MOBP: variants seen among roughly 807,000 people sequenced by gnomAD.
MOBP encodes myelin associated oligodendrocyte basic protein.
Under a neutral mutation model 15.0 loss-of-function variants are expected in MOBP, and 5 were observed. The observed-to-expected ratio is 0.33, with a 90% CI of 0.17 to 0.70. The LOEUF (loss-of-function observed/expected upper bound fraction) is 0.70, where lower values mean the gene tolerates loss of function less well. MOBP is among the 30% of genes least tolerant of loss of function. The pLI, the probability that MOBP is intolerant of heterozygous loss-of-function variation, is 0.67. For missense variants in MOBP, 188 were observed against 257.8 expected (o/e 0.73, Z 1.85); for synonymous variants, 88 against 99.0 (o/e 0.89, Z 0.66).
intron 1 of MOBP, among the ~76,000 whole-genome samples, chr3:39,474,723 T>C (rs913640060): frequency 1.3e-5 from 2 of 152,192 alleles, no homozygotes; most frequent in African/African-American, 2.4e-5. Context: ...TACATATCTG[T>C]GCTTTGCACA....
At chr3:39,519,959 G>GTTT (rs11303840), downstream of MOBP, among the ~76,000 whole-genome samples, 2 of 132,120 alleles carry the variant, frequency 1.5e-5, no homozygotes, top group Non-Finnish European at 3.3e-5. Context: ...CATGACATCT[G>GTTT]TTTTTTTTTT....
At chr3:39,517,369 GC>G (rs1243327854), downstream of MOBP, among the ~76,000 whole-genome samples, 1 of 152,134 alleles carries the variant, frequency 6.6e-6, no homozygotes, top group African/African-American at 2.4e-5. Context: ...CCATGATGCG[GC>G]AGCCTAGAAT....
intron 1 of MOBP, among the ~76,000 whole-genome samples, chr3:39,475,572 T>A (rs2042534648): frequency 6.6e-6 from 1 of 152,216 alleles, no homozygotes; most frequent in Non-Finnish European, 1.5e-5. Flanking sequence ...AGGAAGATTA[T>A]CTCTTCTACT....
chr3:39,494,302 A>G (rs2042841840), intron 2 of MOBP, among the ~76,000 whole-genome samples: 1 of 152,172 alleles, frequency 6.6e-6, no homozygotes, highest in Non-Finnish European at 1.5e-5. Flanking sequence ...AACATATGGA[A>G]CATACTAGGT....
downstream of MOBP, among the ~76,000 whole-genome samples, chr3:39,503,492 T>A (rs1467301243): frequency 1.3e-5 from 2 of 150,806 alleles, no homozygotes; most frequent in Non-Finnish European, 3.0e-5. Flanking sequence ...AATGTTTTCA[T>A]AATATGCATG....
intron 2 of MOBP, among the ~76,000 whole-genome samples, chr3:39,487,487 A>G (rs2042729590): frequency 6.6e-6 from 1 of 150,422 alleles, no homozygotes; most frequent in African/African-American, 2.4e-5. Context: ...TGGGTATGAA[A>G]AGTCCTGTCA....
chr3:39,486,097 C>G (rs1363921358), intron 2 of MOBP, among the ~76,000 whole-genome samples: 1 of 152,092 alleles, frequency 6.6e-6, no homozygotes, highest in African/African-American at 2.4e-5. Context: ...AAAAGAGTCT[C>G]TATGATTTGC....
intron 1 of MOBP, among the ~76,000 whole-genome samples, chr3:39,478,550 T>C (rs2042575124): frequency 6.6e-6 from 1 of 152,192 alleles, no homozygotes; most frequent in African/African-American, 2.4e-5. Flanking sequence ...CCCACGGCCT[T>C]AGCATCCCCT....
At chr3:39,476,881 T>C (rs1242877511) in intron 1 of MOBP, among the ~76,000 whole-genome samples, 3 of 152,118 alleles carry the variant, frequency 2.0e-5, no homozygotes, top group Non-Finnish European at 4.4e-5. Flanking sequence ...TCTGCTTCCA[T>C]TGACCATTAA....
At chr3:39,515,513 G>A (rs975007372) in exon 5 of MOBP, 2 of 152,158 alleles carry the variant, frequency 1.3e-5, no homozygotes, top group African/African-American at 4.8e-5. Flanking sequence ...CAGGGGACAA[G>A]GTTCATTGTT....
intron 2 of MOBP, among the ~76,000 whole-genome samples, chr3:39,492,134 G>C (rs1240725567): frequency 6.6e-6 from 1 of 152,182 alleles, no homozygotes; most frequent in East Asian, 1.9e-4. Context: ...AGATGTGAAG[G>C]AGCTGAGAGG....
chr3:39,479,738 A>G (rs571556362), intron 1 of MOBP, among the ~76,000 whole-genome samples: 1 of 152,176 alleles, frequency 6.6e-6, no homozygotes, highest in South Asian at 2.1e-4. Context: ...TAAAGCTCAA[A>G]TTTACTGGGA....
rs369185818 is a variant in MOBP at position 39,469,178 on chromosome 3, ATGTGTGTGTGTG to A, written c.-89+1440_-89+1451del. On this transcript the variant is annotated intron_variant, in intron 1 of 3. Coordinates refer to ENST00000684792, the MANE Select transcript of MOBP (RefSeq NM_001393704.1). ...TATGTGTGTGTGTATACATATATACATGTGTGTGTGTGTATATACATATATACATGTGTGTGT... is the reference window on the plus strand; with the variant it reads ...TATGTGTGTGTGTATACATATATACATATATACATATATACATGTGTGTGT... Among the ~76,000 whole-genome samples the A allele has an allele frequency of 1.3e-3, 102 of 77,162 alleles. 6 individuals are homozygous for A. Among genetic ancestry groups the A allele is most frequent in the South Asian group, 9.5e-3 (24 of 2,534 alleles). The allele number at this position is 77,162 out of a possible 152,430, so 50.6% of individuals were successfully genotyped here.
At chr3:39,489,686 T>TC (rs550816061) in intron 2 of MOBP, among the ~76,000 whole-genome samples, 9 of 150,540 alleles carry the variant, frequency 6.0e-5, no homozygotes, top group South Asian at 2.1e-4. Flanking sequence ...GGTGTATTGT[T>TC]CCCCGCCCAG....
chr3:39,508,346 A>G (rs943623414), intron 4 of MOBP, among the ~76,000 whole-genome samples: 2 of 152,188 alleles, frequency 1.3e-5, no homozygotes, highest in Non-Finnish European at 1.5e-5. Flanking sequence ...CACAAGTAAG[A>G]TATAGAATAT....
chr3:39,502,009 C>T lies in MOBP; in HGVS notation c.-4-57C>T. 3 of 1,457,176 alleles carry T rather than the reference C, an allele frequency of 2.1e-6. No homozygotes were observed. Among genetic ancestry groups the T allele is most frequent in the Non-Finnish European group, 2.9e-6 (3 of 1,041,052 alleles). The allele number at this position is 1,457,176 out of a possible 1,614,324, so 90.3% of individuals were successfully genotyped here. ...CAGGGGGCTTCCAGAGTAGAGGGCTCCCTTTCCTGATGTGCGTTTATGTCT... is the reference window on the plus strand; with the variant it reads ...CAGGGGGCTTCCAGAGTAGAGGGCTTCCTTTCCTGATGTGCGTTTATGTCT... On this transcript the variant is annotated intron_variant, in intron 2 of 3. Transcript: ENST00000684792. This position sits in a 1 kb window ranked among gnomAD's most constrained non-coding sequence, Gnocchi z 6.3.
chr3:39,497,513 T>C (rs2042903928), intron 2 of MOBP, among the ~76,000 whole-genome samples: 1 of 152,172 alleles, frequency 6.6e-6, no homozygotes, highest in East Asian at 1.9e-4. Context: ...CACAAAACAG[T>C]GTTGGACCTG....
intron 2 of MOBP, among the ~76,000 whole-genome samples, chr3:39,501,442 C>T (rs1463559147): frequency 6.6e-6 from 1 of 152,216 alleles, no homozygotes; most frequent in African/African-American, 2.4e-5. Flanking sequence ...CCTGTTGCCC[C>T]TTCTGAGTCG....
chr3:39,502,962 C>A lies in MOBP; in HGVS notation c.*82C>A. The A allele has an allele frequency of 3.0e-6, 2 of 661,166 alleles. No homozygotes were observed. Among genetic ancestry groups the A allele is most frequent in the Non-Finnish European group, 5.1e-6 (2 of 392,900 alleles). The allele number at this position is 661,166 out of a possible 1,614,324, so 41.0% of individuals were successfully genotyped here. A position where few individuals can be genotyped will look rare whatever the true frequency, so the allele number is the denominator to read the frequency against. ...TACTAACACCGGGCTGTCTCCATGGCCCTCTTCAGCCTTATTACCCAACCT... is the reference window on the plus strand; with the variant it reads ...TACTAACACCGGGCTGTCTCCATGGACCTCTTCAGCCTTATTACCCAACCT... On this transcript the variant is annotated 3_prime_UTR_variant, in exon 4 of 4. Transcript: ENST00000684792. The surrounding 1 kb of genome is among the most constrained non-coding windows in gnomAD (Gnocchi z 6.3).
Sources: allele counts gnomAD v4.1 joint callset (sites outside exome capture counted in the v4.1 genomes callset), GRCh38; gene constraint gnomAD v4.1.1; non-coding constraint Gnocchi (gnomAD v3.1); transcripts MANE v1.5; gene names NCBI Gene and HGNC (gene_info 2026-07-23, HGNC 2026-07-21).